The following ADAMTS17 variants were observed in gnomAD, a reference collection of about 807,000 sequenced individuals.
ADAMTS17 encodes ADAM metallopeptidase with thrombospondin type 1 motif 17, also known as A disintegrin and metalloproteinase with thrombospondin motifs 17.
In ADAMTS17, 113 loss-of-function variants were observed where a neutral mutation model predicts 141.5. The observed-to-expected ratio is 0.80, with a 90% CI of 0.69 to 0.93. The LOEUF is 0.93. Among genes scored for constraint, ADAMTS17 ranks in the 40% least tolerant of loss-of-function variants. The pLI is 0.00. For synonymous variants in ADAMTS17, 768 were observed against 630.6 expected (o/e 1.22, Z -3.27); for missense variants, 1,659 against 1,517.9 (o/e 1.09, Z -1.54).
At position 100,105,598 on chromosome 15, in the gene ADAMTS17, G is replaced by A. The variant is rs1596446948; in HGVS notation, c.2016+3391C>T. ...CAACGTGATAGTATTTGGGAGTGAAGCCTCTGGGAGGTGATTAGGTCAAGA... is the reference window on the plus strand; with the variant it reads ...CAACGTGATAGTATTTGGGAGTGAAACCTCTGGGAGGTGATTAGGTCAAGA... On this transcript the variant is annotated intron_variant, in intron 14 of 21. Coordinates refer to ENST00000268070, the MANE Select transcript of ADAMTS17 (RefSeq NM_139057.4). Among the ~76,000 whole-genome samples the A allele has an allele frequency of 2.6e-5, 4 of 152,318 alleles. No homozygotes were observed. The South Asian group carries it at 8.3e-4, about 32-fold the overall frequency.
At chr15:100,301,899 CTTAA>C (rs755259986) in intron 3 of ADAMTS17, among the ~76,000 whole-genome samples, 7 of 152,140 alleles carry the variant, frequency 4.6e-5, no homozygotes, top group Admixed American at 2.6e-4. Context: ...TACATCTTCC[CTTAA>C]TTTTTATAAC....
At chr15:100,203,391 G>A (rs1490220483) in intron 7 of ADAMTS17, among the ~76,000 whole-genome samples, 1 of 152,190 alleles carries the variant, frequency 6.6e-6, no homozygotes, top group Non-Finnish European at 1.5e-5. Context: ...TGGCCAACAT[G>A]GTGAAACCCT....
intron 10 of ADAMTS17, among the ~76,000 whole-genome samples, chr15:100,149,133 G>C (rs899947): frequency 6.6e-6 from 1 of 152,188 alleles, no homozygotes; most frequent in Non-Finnish European, 1.5e-5. Context: ...CCACAACACA[G>C]TCCTACAAAA....
chr15:100,050,654 A>G (rs2032068959), intron 17 of ADAMTS17, among the ~76,000 whole-genome samples: 1 of 152,232 alleles, frequency 6.6e-6, no homozygotes, highest in South Asian at 2.1e-4. Context: ...ACATCTAACA[A>G]AAGTTATCCA....
chr15:100,083,578 G>C (rs1470600367), intron 15 of ADAMTS17, among the ~76,000 whole-genome samples: 1 of 152,016 alleles, frequency 6.6e-6, no homozygotes, highest in African/African-American at 2.4e-5. Flanking sequence ...GTGTCCTTCA[G>C]CCTTGACAGC....
At chr15:100,271,075 T>C (rs1344721829) in intron 4 of ADAMTS17, among the ~76,000 whole-genome samples, 5 of 152,082 alleles carry the variant, frequency 3.3e-5, no homozygotes, top group South Asian at 4.1e-4. Flanking sequence ...TGTGTCAGAA[T>C]TGTTTTCCTT....
intron 18 of ADAMTS17, among the ~76,000 whole-genome samples, chr15:100,006,729 A>G (rs969202991): frequency 4.6e-5 from 7 of 152,200 alleles, no homozygotes; most frequent in African/African-American, 1.4e-4. Flanking sequence ...ATCTGTGCCA[A>G]TCTCTGTGCT....
chr15:100,048,017 A>T lies in ADAMTS17; in HGVS notation c.2591+840T>A, dbSNP rs538330342. Among the ~76,000 whole-genome samples the T allele has an allele frequency of 2.0e-4, 30 of 152,230 alleles. 1 individual carries two copies. The highest frequency in any genetic ancestry group is 8.3e-4 in the South Asian group (4 of 4,832). On this transcript the variant is annotated intron_variant, in intron 18 of 21. Transcript: ENST00000268070. The stretch of plus-strand genomic sequence containing the variant: ...CTCTTTCTCACTCAAACACATTTTA[A>T]GAGTTTGACAAAACAAAGGGGGTCG...
intron 8 of ADAMTS17, among the ~76,000 whole-genome samples, chr15:100,163,995 C>G (rs1244885824): frequency 6.6e-6 from 1 of 152,188 alleles, no homozygotes; most frequent in Non-Finnish European, 1.5e-5. Context: ...GTGATTTGCT[C>G]AAGTCATGCA....
Position 100,254,123 on chromosome 15 carries a change from A to T in ADAMTS17, c.1075+13T>A, listed in dbSNP as rs747450604. On this transcript the variant is annotated intron_variant, in intron 7 of 21. Transcript: ENST00000268070. ...ATCAGCCCCTTAGATTATTATTTCA[A>T]CTCTAAACTTACCAACAGTGTCACA... 6.2e-7 allele frequency: 1 copy of T among 1,611,974 alleles called. No homozygotes were observed. The highest frequency in any genetic ancestry group is 8.5e-7 in the Non-Finnish European group (1 of 1,178,110).
At position 100,182,489 on chromosome 15, in the gene ADAMTS17, C is replaced by G. The variant is rs376309124; in HGVS notation, c.1181+16829G>C. On this transcript the variant is annotated intron_variant, in intron 8 of 21. Transcript: ENST00000268070. ...TCTCACACTCGTTGTGCTATCCCTC[C>G]GCCAAGCACAGAGATTACCTCTCTG... 3.9e-5 allele frequency among the ~76,000 whole-genome samples: 6 copies of G among 152,138 alleles called. No homozygotes were observed. In the South Asian group the frequency reaches 8.3e-4, roughly 21 times the overall value.
intron 7 of ADAMTS17, among the ~76,000 whole-genome samples, chr15:100,218,046 A>G (rs2042022590): frequency 6.6e-6 from 1 of 152,140 alleles, no homozygotes; most frequent in Non-Finnish European, 1.5e-5. Context: ...ATGCCCAGCT[A>G]ATTTTCTGTA....
intron 20 of ADAMTS17, chr15:99,980,403 A>C (rs2060460400): frequency 6.6e-6 from 1 of 152,204 alleles, no homozygotes; most frequent in Non-Finnish European, 1.5e-5. Context: ...TTCTCTTCAG[A>C]TCTTTTCTCG....
chr15:99,989,822 G>C (rs1272849312), intron 20 of ADAMTS17, among the ~76,000 whole-genome samples: 11 of 152,210 alleles, frequency 7.2e-5, no homozygotes, highest in Non-Finnish European at 1.5e-4. Context: ...GTGAACATTG[G>C]GTGGTGGATT....
chr15:100,194,174 G>A (rs2041026741), intron 8 of ADAMTS17, among the ~76,000 whole-genome samples: 1 of 152,168 alleles, frequency 6.6e-6, no homozygotes, highest in Non-Finnish European at 1.5e-5. Context: ...CACCTAGAAG[G>A]TCCTGTCTCT....
intron 7 of ADAMTS17, among the ~76,000 whole-genome samples, chr15:100,238,638 A>G (rs145907541): frequency 2.7e-4 from 41 of 152,334 alleles, no homozygotes; most frequent in African/African-American, 9.9e-4. Context: ...AGACAAGACC[A>G]GAGTTAAGCC....
chr15:100,003,145 C>T (rs985021516), intron 18 of ADAMTS17, among the ~76,000 whole-genome samples: 1 of 152,086 alleles, frequency 6.6e-6, no homozygotes, highest in Non-Finnish European at 1.5e-5. Flanking sequence ...CATGGGGGAC[C>T]TCGAGTCTCC....
At chr15:100,338,468 C>T (rs73485982) in intron 2 of ADAMTS17, among the ~76,000 whole-genome samples, 6,084 of 152,240 alleles carry the variant, frequency 0.04, 332 homozygotes, top group East Asian at 0.16. Flanking sequence ...ACATCCGGAA[C>T]GAAGTTTTGT....
chr15:100,096,496 C>T lies in ADAMTS17; in HGVS notation c.2017-20G>A, dbSNP rs1366501981. On this transcript the variant is annotated intron_variant, in intron 14 of 21. Coordinates refer to ENST00000268070, the MANE Select transcript of ADAMTS17 (RefSeq NM_139057.4). ...GATTTTCTAAAGAACCAGAGGGCCTCATTATTCTGTGGTTAAGACTCAGAG... is the reference window on the plus strand; with the variant it reads ...GATTTTCTAAAGAACCAGAGGGCCTTATTATTCTGTGGTTAAGACTCAGAG... 3 of 1,613,990 alleles carry T rather than the reference C, an allele frequency of 1.9e-6. No individual in the cohort carries two copies. Among genetic ancestry groups the T allele is most frequent in the African/African-American group, 2.7e-5 (2 of 75,052 alleles).
Sources: gnomAD v4.1 joint callset for allele counts (sites outside exome capture counted in the v4.1 genomes callset) on GRCh38, gnomAD v4.1.1 for gene constraint, MANE v1.5 for transcripts, NCBI Gene and HGNC (gene_info 2026-07-23, HGNC 2026-07-21) for gene names.